GSTT4: variants seen among roughly 807,000 people sequenced by gnomAD.
The protein encoded by GSTT4 is glutathione S-transferase theta 4.
At chr22:23,993,560 G>A (rs1218008304), downstream of GSTT4, among the ~76,000 whole-genome samples, 1 of 152,174 alleles carries the variant, frequency 6.6e-6, no homozygotes, top group African/African-American at 2.4e-5. Flanking sequence ...GGCCCCTAGG[G>A]GCCACCTTGT....
the GSTT4 span, among the ~76,000 whole-genome samples, chr22:23,989,996 TG>T: frequency 6.6e-6 from 1 of 150,744 alleles, no homozygotes; most frequent in African/African-American, 2.4e-5. Flanking sequence ...GGGCAGCAGT[TG>T]GGAAGAGTCA....
intron 2 of GSTT4, among the ~76,000 whole-genome samples, chr22:24,002,846 A>AC (rs1296652684): frequency 1.4e-4 from 5 of 35,908 alleles, no homozygotes; most frequent in Non-Finnish European, 4.2e-4. Context: ...AAAAAAAAAA[A>AC]AAAACTTCTT....
downstream of GSTT4, among the ~76,000 whole-genome samples, chr22:23,996,314 ATGGTTTTACT>A: frequency 6.6e-6 from 1 of 152,140 alleles, no homozygotes; most frequent in East Asian, 1.9e-4. Context: ...GTGAATAGAG[ATGGTTTTACT>A]TCTTTCTTTC....
chr22:24,004,022 G>A (rs571444408), intron 1 of GSTT4, among the ~76,000 whole-genome samples, 175 bp from the exon 2 acceptor site: 2 of 152,394 alleles, frequency 1.3e-5, no homozygotes, highest in South Asian at 2.1e-4. Context: ...ACCGGACTGC[G>A]ATCAGAACTG....
At chr22:24,003,158 T>TTTTTTTTTTTA (rs1303176599) in intron 2 of GSTT4, among the ~76,000 whole-genome samples, 2 of 105,888 alleles carry the variant, frequency 1.9e-5, no homozygotes, top group South Asian at 3.2e-4. Flanking sequence ...TTGTTTGTTT[T>TTTTTTTTTTTA]AAGAACTCTT....
At chr22:23,996,156 C>A (rs1420178597), downstream of GSTT4, among the ~76,000 whole-genome samples, 3 of 152,070 alleles carry the variant, frequency 2.0e-5, no homozygotes, top group Non-Finnish European at 4.4e-5. Context: ...ATTGGACAGG[C>A]TGGTCTCAAA....
intron 1 of GSTT4, chr22:24,004,450 G>A (rs1219928152): frequency 6.5e-6 from 1 of 153,270 alleles, no homozygotes; most frequent in Non-Finnish European, 1.5e-5. Context: ...TGTTCTAGAG[G>A]CTTCTGCTTT....
intron 3 of GSTT4, among the ~76,000 whole-genome samples, chr22:24,000,570 G>GT (rs999022711): frequency 5.3e-5 from 7 of 131,176 alleles, no homozygotes; most frequent in Non-Finnish European, 1.1e-4. Flanking sequence ...TTTTGTTTTT[G>GT]TTTTTTGAGA....
At chr22:23,998,382 G>C (rs1190752154), downstream of GSTT4, 1 of 152,282 alleles carries the variant, frequency 6.6e-6, no homozygotes, top group Non-Finnish European at 1.5e-5. Context: ...TATGCCAACT[G>C]TCTGCTGCTC....
the GSTT4 span, among the ~76,000 whole-genome samples, chr22:23,990,611 T>C: frequency 0.015 from 1,028 of 66,414 alleles, 1 homozygote; most frequent in African/African-American, 0.053. Flanking sequence ...GGGCTGCAGA[T>C]TGAGACACTG....
the GSTT4 span, among the ~76,000 whole-genome samples, chr22:23,992,147 A>G: frequency 2.2e-5 from 3 of 138,048 alleles, no homozygotes; most frequent in Non-Finnish European, 3.2e-5. Flanking sequence ...GAGGCCAGAG[A>G]GGAAGGGTGG....
In GSTT4 at chr22:24,001,324, C is replaced by T. The variant is rs587656084; in HGVS notation, c.202G>A (p.Ala68Thr). 8.3e-3 allele frequency: 1,269 copies of T among 153,478 alleles called. 2 individuals carry two copies. The highest frequency in any genetic ancestry group is 0.015 in the African/African-American group (618 of 41,342). 9.5% of individuals were successfully genotyped at this position (153,478 alleles called of 1,614,324 possible). ...KDGKFILSES[A>T]AILYYLCRKY... ...CGGCACAGGTAGTAAAGGATGGCCG[C>T]GCTGCAGAAGGGGCCGGTCAGGGGC... The change falls in exon 3 of 5, where the codon GCG becomes ACG. Residue 68 changes from alanine (A) to threonine (T), a missense_variant and splice_region_variant. By Grantham distance (58) the Ala-to-Thr change is moderately conservative (BLOSUM62 0). Transcript: ENST00000621179.
chr22:24,004,707 T>A (rs2034312751), intron 1 of GSTT4: 1 of 153,838 alleles, frequency 6.5e-6, no homozygotes, highest in African/African-American at 2.4e-5. Flanking sequence ...CTACTGTTCC[T>A]TCCCCCTTCT....
In GSTT4 at chr22:24,001,373, C is replaced by T. The variant is rs1361690825; in HGVS notation, c.201-48G>A. On this transcript the variant is annotated intron_variant, in intron 2 of 4. Coordinates refer to ENST00000621179, the MANE Select transcript of GSTT4 (RefSeq NM_001358664.2). ...GCACTGCCCTTGCCTTCCTGAGTGC[C>T]ACTACATCAACCACCCCGGTGTGGC... 9.8e-3 allele frequency: 1,572 copies of T among 159,616 alleles called. 25 individuals are homozygous for T. Among genetic ancestry groups the T allele is most frequent in the African/African-American group, 0.036 (1,490 of 41,734 alleles). 9.9% of individuals were successfully genotyped at this position (159,616 alleles called of 1,614,324 possible).
downstream of GSTT4, among the ~76,000 whole-genome samples, chr22:23,996,160 T>C (rs1428515669): frequency 1.3e-5 from 2 of 152,126 alleles, no homozygotes; most frequent in African/African-American, 4.8e-5. Context: ...GACAGGCTGG[T>C]CTCAAACTTC....
intron 2 of GSTT4, among the ~76,000 whole-genome samples, chr22:24,002,849 A>AC (rs1165026425): frequency 2.7e-4 from 41 of 152,186 alleles, no homozygotes; most frequent in African/African-American, 9.4e-4. Flanking sequence ...AAAAAAAAAA[A>AC]ACTTCTTTGG....
chr22:24,002,191 T>C (rs2034245095), intron 2 of GSTT4, among the ~76,000 whole-genome samples: 1 of 152,232 alleles, frequency 6.6e-6, no homozygotes, highest in South Asian at 2.1e-4. Context: ...TGCTTAAGAT[T>C]AGGCATTATA....
At chr22:23,989,546 A>G in the GSTT4 span, among the ~76,000 whole-genome samples, 1 of 142,486 alleles carries the variant, frequency 7.0e-6, no homozygotes, top group East Asian at 2.2e-4. Flanking sequence ...TCAGCTTCCT[A>G]TCCCAGCTGG....
intron 2 of GSTT4, among the ~76,000 whole-genome samples, chr22:24,001,996 A>T (rs926655754): frequency 8.5e-5 from 13 of 152,378 alleles, no homozygotes; most frequent in Middle Eastern, 6.8e-3. Flanking sequence ...GTCTCAAAAA[A>T]CCAACAAAGA....
Sources: allele counts gnomAD v4.1 joint callset (sites outside exome capture counted in the v4.1 genomes callset), GRCh38; gene constraint gnomAD v4.1.1; transcripts MANE v1.5; gene names NCBI Gene and HGNC (gene_info 2026-07-23, HGNC 2026-07-21).